The following STPG4 variants were observed in gnomAD, a reference collection of about 807,000 sequenced individuals.
STPG4 encodes sperm-tail PG-rich repeat containing 4.
A neutral mutation model predicts 31.5 loss-of-function variants in STPG4; 41 were observed. The ratio of observed to expected loss-of-function variants is 1.30; its 90% CI spans 1.01 to 1.69. The LOEUF (loss-of-function observed/expected upper bound fraction) is 1.69, where lower values mean the gene tolerates loss of function less well. Among genes scored for constraint, STPG4 ranks in the 40% most tolerant of loss-of-function variants. The pLI, the probability that STPG4 is intolerant of heterozygous loss-of-function variation, is 0.00. For synonymous variants in STPG4, 141 were observed against 103.0 expected (o/e 1.37, Z -2.24); for missense variants, 375 against 293.4 (o/e 1.28, Z -2.03).
chr2:47,136,152 C>CTT (rs776045420), intron 3 of STPG4, among the ~76,000 whole-genome samples: 4 of 148,992 alleles, frequency 2.7e-5, no homozygotes, highest in African/African-American at 9.8e-5. Flanking sequence ...TGATTTCTTT[C>CTT]TTTTTTTTTT....
At chr2:47,095,197 G>A (rs1413562529) in intron 5 of STPG4, among the ~76,000 whole-genome samples, 4 of 152,242 alleles carry the variant, frequency 2.6e-5, no homozygotes, top group East Asian at 1.9e-4. Context: ...TGGAGTTCCC[G>A]GTACCTCAGT....
chr2:47,105,292 G>T (rs2103745747), intron 5 of STPG4, among the ~76,000 whole-genome samples: 1 of 152,050 alleles, frequency 6.6e-6, no homozygotes, highest in East Asian at 1.9e-4. Flanking sequence ...CTGTTTAAGG[G>T]TAGTTGCAGC....
At chr2:47,100,936 T>C (rs995443650) in intron 5 of STPG4, among the ~76,000 whole-genome samples, 12 of 151,988 alleles carry the variant, frequency 7.9e-5, no homozygotes, top group Admixed American at 3.9e-4. Context: ...CGCGGCTTCA[T>C]TCTTGAACTC....
intron 5 of STPG4, among the ~76,000 whole-genome samples, chr2:47,094,692 C>G (rs1391525342): frequency 6.6e-6 from 1 of 152,144 alleles, no homozygotes; most frequent in Non-Finnish European, 1.5e-5. Context: ...AAACCAGGCT[C>G]TGGTGTAACA....
intron 5 of STPG4, among the ~76,000 whole-genome samples, chr2:47,128,009 A>G (rs1686398696): frequency 6.6e-6 from 1 of 152,298 alleles, no homozygotes; most frequent in East Asian, 1.9e-4. Context: ...AAAGGGAATT[A>G]AGTGCTGTAA....
At chr2:47,100,685 C>T (rs910532899) in intron 5 of STPG4, among the ~76,000 whole-genome samples, 4 of 151,742 alleles carry the variant, frequency 2.6e-5, no homozygotes, top group Admixed American at 1.3e-4. Flanking sequence ...ACACTCACCG[C>T]GAAGGTCTGC....
chr2:47,117,573 A>G (rs1248689056), intron 5 of STPG4, among the ~76,000 whole-genome samples: 1 of 152,138 alleles, frequency 6.6e-6, no homozygotes, highest in South Asian at 2.1e-4. Flanking sequence ...AAGTTCCCAC[A>G]TTAGCCAGAC....
At chr2:47,105,445 C>G (rs1447115219) in intron 5 of STPG4, among the ~76,000 whole-genome samples, 2 of 152,040 alleles carry the variant, frequency 1.3e-5, no homozygotes, top group African/African-American at 4.8e-5. Flanking sequence ...ATACCAGGCG[C>G]TACTCCTTGA....
chr2:47,134,444 G>A (rs1363708712), intron 3 of STPG4, among the ~76,000 whole-genome samples: 1 of 152,150 alleles, frequency 6.6e-6, no homozygotes, highest in Non-Finnish European at 1.5e-5. Context: ...CATAGAGGTG[G>A]AATCATACCA....
intron 5 of STPG4, among the ~76,000 whole-genome samples, chr2:47,104,316 C>T (rs1049196798): frequency 2.6e-5 from 4 of 151,972 alleles, no homozygotes; most frequent in Admixed American, 1.3e-4. Flanking sequence ...TGAAAGCTCA[C>T]GGCTTAGTAA....
intron 6 of STPG4, among the ~76,000 whole-genome samples, chr2:47,088,030 G>C (rs1373295891): frequency 6.6e-6 from 1 of 152,120 alleles, no homozygotes; most frequent in African/African-American, 2.4e-5. Flanking sequence ...TGGGATTACA[G>C]GTGTGAGCCA....
intron 5 of STPG4, among the ~76,000 whole-genome samples, chr2:47,127,286 T>TTTTTTTTTA (rs1686385593): frequency 9.2e-6 from 1 of 108,130 alleles, no homozygotes; most frequent in African/African-American, 3.2e-5. Context: ...TTTTTTTTTT[T>TTTTTTTTTA]GAGACAGAGT....
chr2:47,092,095 G>A (rs1214861049), intron 5 of STPG4, among the ~76,000 whole-genome samples: 1 of 143,094 alleles, frequency 7.0e-6, no homozygotes, highest in Non-Finnish European at 1.5e-5. Flanking sequence ...TCTTGGGGTA[G>A]TGGTGTGTTG....
At chr2:47,135,578 G>A (rs893056898) in intron 3 of STPG4, among the ~76,000 whole-genome samples, 45 of 151,992 alleles carry the variant, frequency 3.0e-4, no homozygotes, top group African/African-American at 1.0e-3. Flanking sequence ...GTAGAGATGG[G>A]GTTTCACTAT....
At chr2:47,088,737 G>A (rs1157971690) in intron 6 of STPG4, among the ~76,000 whole-genome samples, 3 of 152,222 alleles carry the variant, frequency 2.0e-5, no homozygotes, top group Non-Finnish European at 4.4e-5. Context: ...GAGATCAGCT[G>A]CCTGCAGAAA....
At chr2:47,096,729 G>T (rs998015170) in intron 5 of STPG4, among the ~76,000 whole-genome samples, 2 of 152,170 alleles carry the variant, frequency 1.3e-5, no homozygotes, top group African/African-American at 4.8e-5. Context: ...AGGTATTTAG[G>T]CCAGAGATTC....
chr2:47,105,943 G>A (rs951619786), intron 5 of STPG4, among the ~76,000 whole-genome samples: 1 of 151,986 alleles, frequency 6.6e-6, no homozygotes, highest in African/African-American at 2.4e-5. Context: ...AAAATACAAA[G>A]AGGTGGGAAT....
At chr2:47,090,413 C>T (rs1247354757) in intron 5 of STPG4, 39 bp from the exon 6 acceptor site, 2 of 1,286,378 alleles carry the variant, frequency 1.6e-6, no homozygotes, top group East Asian at 2.5e-5. Flanking sequence ...TATTATTGTA[C>T]ATTTGATATA....
intron 3 of STPG4, 45 bp downstream of exon 3, chr2:47,151,213 C>A (rs779304005): frequency 1.2e-6 from 2 of 1,606,794 alleles, no homozygotes; most frequent in Non-Finnish European, 1.7e-6. Context: ...CTCAGGGGCT[C>A]TTAGTAGCTT....
Sources: allele counts gnomAD v4.1 joint callset (sites outside exome capture counted in the v4.1 genomes callset), GRCh38; gene constraint gnomAD v4.1.1; transcripts MANE v1.5; gene names NCBI Gene and HGNC (gene_info 2026-07-23, HGNC 2026-07-21).